FBXL18: variants seen among roughly 807,000 people sequenced by gnomAD.
FBXL18 encodes the protein F-box and leucine rich repeat protein 18.
A neutral mutation model predicts 46.0 loss-of-function variants in FBXL18; 36 were observed. The ratio of observed to expected loss-of-function variants is 0.78; its 90% CI spans 0.60 to 1.03. The LOEUF (loss-of-function observed/expected upper bound fraction) is 1.03, where lower values mean the gene tolerates loss of function less well. Ranked by LOEUF, FBXL18 falls within the 50% of genes least tolerant of loss-of-function variation. The pLI is 0.00. For synonymous variants in FBXL18, 557 were observed against 465.3 expected, an observed-to-expected ratio of 1.20 and a Z score of -2.54; for missense variants, 977 against 1,004.1, an observed-to-expected ratio of 0.97 and a Z score of 0.36.
At chr7:5,494,180 G>A (rs936968415) in intron 3 of FBXL18, among the ~76,000 whole-genome samples, 1 of 151,900 alleles carries the variant, frequency 6.6e-6, no homozygotes, top group Non-Finnish European at 1.5e-5. Flanking sequence ...GCTGAGGCAG[G>A]AAAATCGTTT....
chr7:5,506,194 C>T (rs1213953987), intron 1 of FBXL18, among the ~76,000 whole-genome samples: 2 of 151,962 alleles, frequency 1.3e-5, no homozygotes, highest in Admixed American at 6.6e-5. Context: ...CTCCTGGGCT[C>T]CAGCCTCCCA....
chr7:5,474,562 T>C (rs2128232470), downstream of FBXL18, among the ~76,000 whole-genome samples: 1 of 152,192 alleles, frequency 6.6e-6, no homozygotes, highest in South Asian at 2.1e-4. Context: ...GTGTTGTTTC[T>C]GCCTCGATCT....
intron 4 of FBXL18, among the ~76,000 whole-genome samples, chr7:5,460,425 C>A (rs1263721349): frequency 2.0e-5 from 3 of 152,148 alleles, no homozygotes; most frequent in African/African-American, 7.2e-5. Flanking sequence ...CTTCCTCCCC[C>A]TCCCTCAAAT....
rs545544399 is a variant in FBXL18 at position 5,504,405 on chromosome 7, G to A, written c.237+1007C>T. 5.3e-5 allele frequency among the ~76,000 whole-genome samples: 8 copies of A among 150,116 alleles called. No homozygotes were observed. The South Asian group carries it at 1.5e-3, about 28-fold the overall frequency. ...GGATCGTGCCACTGCACTCCAGCCTGGGGATTCTCGTGCCTCAGCCTCCTA... is the reference window on the plus strand; with the variant it reads ...GGATCGTGCCACTGCACTCCAGCCTAGGGATTCTCGTGCCTCAGCCTCCTA... On this transcript the variant is annotated intron_variant, in intron 2 of 4. Coordinates refer to ENST00000382368, the MANE Select transcript of FBXL18 (RefSeq NM_024963.6).
rs527559490 is a variant in FBXL18, at chr7:5,455,733, C to A, written c.2001-7890G>T. Reference sequence around the variant, plus strand: ...ACTTTTTGGATGTCCCTAGATGGTGCCTCCCCCCCACCCCCACTACACACA... The same window carrying A: ...ACTTTTTGGATGTCCCTAGATGGTGACTCCCCCCCACCCCCACTACACACA... On this transcript the variant is annotated intron_variant and NMD_transcript_variant, in intron 4 of 6. Coordinates refer to the FBXL18 transcript ENST00000415009. This position sits in a 1 kb window ranked among gnomAD's most constrained non-coding sequence, Gnocchi z 4.6. Among the ~76,000 whole-genome samples the A allele has an allele frequency of 8.8e-4, 133 of 150,998 alleles. No homozygotes were observed. In the South Asian group the frequency reaches 0.026, roughly 30 times the overall value.
At chr7:5,510,604 T>G (rs1048242853) in intron 1 of FBXL18, among the ~76,000 whole-genome samples, 1 of 149,496 alleles carries the variant, frequency 6.7e-6, no homozygotes, top group Non-Finnish European at 1.5e-5. Flanking sequence ...GAGGATCACC[T>G]GAACCCGGGA....
chr7:5,491,454 G>T lies in FBXL18; in HGVS notation c.1782-5C>A. On this transcript the variant is annotated splice_polypyrimidine_tract_variant and splice_region_variant and intron_variant, in intron 3 of 4. Coordinates refer to ENST00000382368, the MANE Select transcript of FBXL18 (RefSeq NM_024963.6). ...CTGAAGTAGGGCTGCTCCAGCCTGC[G>T]GGGAGAGAGGGCAGCTGTGAGGTCC... 1.3e-6 allele frequency: 2 copies of T among 1,565,014 alleles called. No homozygotes were observed. Among genetic ancestry groups the T allele is most frequent in the East Asian group, 2.3e-5 (1 of 43,360 alleles).
chr7:5,481,639 G>GC lies in FBXL18; in HGVS notation c.*135dup. 1 of 876,622 alleles carries GC rather than the reference G, an allele frequency of 1.1e-6. No homozygotes were observed. The highest frequency in any genetic ancestry group is 2.2e-5 in the Admixed American group (1 of 45,934). The allele number at this position is 876,622 out of a possible 1,614,324, so 54.3% of individuals were successfully genotyped here. A position where few individuals can be genotyped will look rare whatever the true frequency, so the allele number is the denominator to read the frequency against. ...TGAGAGAGCCGTGGAGACGCCGGGA[G>GC]CCCCAGGAGCCAGGTGGGGCGTGGC... On this transcript the variant is annotated 3_prime_UTR_variant, in exon 5 of 5. Coordinates refer to ENST00000382368, the MANE Select transcript of FBXL18 (RefSeq NM_024963.6).
chr7:5,462,532 G>A (rs62441003), intron 4 of FBXL18, among the ~76,000 whole-genome samples: 12 of 151,946 alleles, frequency 7.9e-5, no homozygotes, highest in African/African-American at 2.9e-4. Flanking sequence ...TACCCAGCTC[G>A]CCATGGATTG....
chr7:5,462,963 AAAAAAAATAT>A lies in FBXL18; in HGVS notation c.2001-15130_2001-15121del, dbSNP rs1419759523. On this transcript the variant is annotated intron_variant and NMD_transcript_variant, in intron 4 of 6. Transcript: ENST00000415009. ...GAGACTTGGTCTCAAAAAAAAAAAA[AAAAAAAATAT>A]ATATATATATATATATATATATAAT... Among the ~76,000 whole-genome samples the A allele has an allele frequency of 6.9e-4, 14 of 20,234 alleles. 1 individual carries two copies. The highest frequency in any genetic ancestry group is 3.8e-3 in the Admixed American group (7 of 1,856). The allele number at this position is 20,234 out of a possible 152,430, so 13.3% of individuals were successfully genotyped here.
At position 5,496,788 on chromosome 7, in the gene FBXL18, G is replaced by A. The variant is rs1461093099; in HGVS notation, c.1781+3700C>T. ...CGCCTGTAATCCCACCACTTTGGGAGGCCGAGGTGGGCGGATCACCTGAGG... is the reference window on the plus strand; with the variant it reads ...CGCCTGTAATCCCACCACTTTGGGAAGCCGAGGTGGGCGGATCACCTGAGG... On this transcript the variant is annotated intron_variant, in intron 3 of 4. Transcript: ENST00000382368. The surrounding 1 kb of genome is among the most constrained non-coding windows in gnomAD (Gnocchi z 4.8). Among the ~76,000 whole-genome samples, 3 of 152,196 alleles carry A rather than the reference G, an allele frequency of 2.0e-5. No homozygotes were observed. The highest frequency in any genetic ancestry group is 4.4e-5 in the Non-Finnish European group (3 of 68,028).
chr7:5,510,867 AATTC>A (rs1784514714), intron 1 of FBXL18, among the ~76,000 whole-genome samples: 1 of 151,934 alleles, frequency 6.6e-6, no homozygotes. Context: ...CTGAAATTCC[AATTC>A]TGGTGTGAGT....
intron 4 of FBXL18, among the ~76,000 whole-genome samples, chr7:5,486,062 A>AAAAAT (rs1339486987): frequency 2.1e-5 from 3 of 139,656 alleles, no homozygotes; most frequent in African/African-American, 8.2e-5. Flanking sequence ...CTGTCTCAAA[A>AAAAAT]AAATAAATAA....
In FBXL18 at chr7:5,496,159, T is replaced by C. The variant is rs1784075092; in HGVS notation, c.1781+4329A>G. Among the ~76,000 whole-genome samples the C allele has an allele frequency of 1.3e-5, 2 of 152,196 alleles. 1 individual carries two copies. The highest frequency in any genetic ancestry group is 4.1e-4 in the South Asian group (2 of 4,830). ...GTGACCTAGGCAAGTTCATGCACTC[T>C]CTGGGCCTTACTTTCTTCATCCATT... is the stretch of plus-strand genomic sequence containing the variant. On this transcript the variant is annotated intron_variant, in intron 3 of 4. Coordinates refer to ENST00000382368, the MANE Select transcript of FBXL18 (RefSeq NM_024963.6). This position sits in a 1 kb window ranked among gnomAD's most constrained non-coding sequence, Gnocchi z 4.8.
At chr7:5,461,264 C>T (rs535062973) in intron 4 of FBXL18, among the ~76,000 whole-genome samples, 99 of 152,276 alleles carry the variant, frequency 6.5e-4, no homozygotes, top group African/African-American at 2.2e-3. Context: ...CTTCCTTAAT[C>T]GGCTGCATTT....
chr7:5,488,505 C>T (rs553869530), intron 4 of FBXL18, among the ~76,000 whole-genome samples: 57 of 152,206 alleles, frequency 3.7e-4, no homozygotes, highest in Non-Finnish European at 6.8e-4. Flanking sequence ...CGGCCCCCAT[C>T]GCCACAGGAA....
At chr7:5,512,296 T>TA (rs1562711051) in intron 1 of FBXL18, among the ~76,000 whole-genome samples, 1 of 105,362 alleles carries the variant, frequency 9.5e-6, no homozygotes. Flanking sequence ...GAAGTGTTAT[T>TA]TAAAAAAAAA....
chr7:5,474,686 T>TTTTTTTTA (rs1554317766), downstream of FBXL18, among the ~76,000 whole-genome samples: 2 of 39,396 alleles, frequency 5.1e-5, no homozygotes, highest in Non-Finnish European at 5.3e-5. Context: ...GCACTTTATT[T>TTTTTTTTA]TTTATTTATT....
At chr7:5,482,362 G>A (rs1026558049) in intron 4 of FBXL18, among the ~76,000 whole-genome samples, 1 of 152,172 alleles carries the variant, frequency 6.6e-6, no homozygotes, top group South Asian at 2.1e-4. Context: ...CCCCACAGCC[G>A]CAGGTGGGCC....
Sources: gnomAD v4.1 joint callset for allele counts (sites outside exome capture counted in the v4.1 genomes callset) on GRCh38, gnomAD v4.1.1 for gene constraint, Gnocchi (gnomAD v3.1) non-coding constraint, MANE v1.5 for transcripts, NCBI Gene and HGNC (gene_info 2026-07-23, HGNC 2026-07-21) for gene names.